IQGAP2: variants seen among roughly 807,000 people sequenced by gnomAD.
IQGAP2 encodes ras GTPase-activating-like protein IQGAP2.
IQGAP2 carries 173 observed loss-of-function variants against 201.3 expected under a neutral mutation model. That is an observed-to-expected ratio of 0.86 (90% CI 0.76 to 0.98). IQGAP2 has a LOEUF of 0.98. Among genes scored for constraint, IQGAP2 ranks in the 50% least tolerant of loss-of-function variants. The pLI is 0.00. For synonymous variants in IQGAP2, 675 were observed against 673.9 expected (o/e 1.00, Z -0.03); for missense variants, 1,687 against 1,864.8 (o/e 0.90, Z 1.76).
intron 16 of IQGAP2, among the ~76,000 whole-genome samples, chr5:76,638,139 G>T (rs1262248732): frequency 6.6e-6 from 1 of 152,126 alleles, no homozygotes; most frequent in Non-Finnish European, 1.5e-5. Context: ...TTCTCTTTTT[G>T]GGGGAACATT....
At chr5:76,651,144 C>A (rs1752487585) in intron 17 of IQGAP2, among the ~76,000 whole-genome samples, 1 of 152,146 alleles carries the variant, frequency 6.6e-6, no homozygotes, top group Non-Finnish European at 1.5e-5. Context: ...ATTACTCTGA[C>A]TACCTCAAGC....
intron 17 of IQGAP2, 70 bp downstream of exon 17, chr5:76,641,173 G>A (rs1751553454): frequency 1.6e-6 from 2 of 1,226,092 alleles, no homozygotes; most frequent in Non-Finnish European, 2.3e-6. Flanking sequence ...TTTGATAATA[G>A]AATAGTCAAC....
chr5:76,495,147 A>G (rs1756808376), intron 2 of IQGAP2, among the ~76,000 whole-genome samples: 2 of 152,254 alleles, frequency 1.3e-5, no homozygotes, highest in South Asian at 4.1e-4. Flanking sequence ...TATACAATAA[A>G]TAGATATACA....
At chr5:76,513,896 T>C (rs1758139393) in intron 2 of IQGAP2, among the ~76,000 whole-genome samples, 1 of 152,094 alleles carries the variant, frequency 6.6e-6, no homozygotes. Flanking sequence ...TTGTAACAAA[T>C]GCTCCACACT....
chr5:76,614,960 A>G (rs1411045097), intron 13 of IQGAP2, among the ~76,000 whole-genome samples: 2 of 152,240 alleles, frequency 1.3e-5, no homozygotes, highest in African/African-American at 4.8e-5. Flanking sequence ...AGTTTTGTCA[A>G]AGGTGGAGGA....
chr5:76,569,021 C>CAT (rs1580478483), intron 3 of IQGAP2, among the ~76,000 whole-genome samples: 1 of 152,176 alleles, frequency 6.6e-6, no homozygotes, highest in Non-Finnish European at 1.5e-5. Flanking sequence ...TATAAACACT[C>CAT]AAACAGTATA....
rs58503021 is a variant in IQGAP2 at position 76,405,543 on chromosome 5, T to C, written c.46+1952T>C. Among the ~76,000 whole-genome samples the C allele has an allele frequency of 2.0e-3, 304 of 152,354 alleles. 1 individual carries two copies. The highest frequency in any genetic ancestry group is 6.9e-3 in the African/African-American group (287 of 41,570). ...TATTAAGGCTTTAATATGACAGTTA[T>C]CTCATTAAAATGAACACTTTTATAA... On this transcript the variant is annotated intron_variant, in intron 1 of 35. Transcript: ENST00000274364.
intron 2 of IQGAP2, among the ~76,000 whole-genome samples, chr5:76,541,983 T>C (rs1475013942): frequency 6.6e-6 from 1 of 152,170 alleles, no homozygotes; most frequent in Admixed American, 6.5e-5. Context: ...TTTGTGTGCG[T>C]GTATGTGTGT....
intron 1 of IQGAP2, among the ~76,000 whole-genome samples, chr5:76,431,640 T>C (rs578257424): frequency 8.0e-4 from 122 of 152,200 alleles, no homozygotes; most frequent in Non-Finnish European, 1.4e-3. Context: ...CTGGCCAACA[T>C]GGTGAAACCC....
intron 2 of IQGAP2, among the ~76,000 whole-genome samples, chr5:76,550,632 T>C (rs1743393676): frequency 6.6e-6 from 1 of 152,124 alleles, no homozygotes; most frequent in Non-Finnish European, 1.5e-5. Context: ...TAACTCTGAG[T>C]GGACACAGCA....
intron 22 of IQGAP2, among the ~76,000 whole-genome samples, chr5:76,667,877 C>CTTTTTTTTTGTTTTT (rs1743924088): frequency 8.1e-6 from 1 of 123,422 alleles, no homozygotes; most frequent in African/African-American, 3.1e-5. Flanking sequence ...AGTCCACTTT[C>CTTTTTTTTTGTTTTT]TTTTTTTTTT....
chr5:76,551,386 G>C (rs1270023387), intron 2 of IQGAP2, among the ~76,000 whole-genome samples: 8 of 150,012 alleles, frequency 5.3e-5, no homozygotes, highest in African/African-American at 2.0e-4. Flanking sequence ...CGGCCGGGCA[G>C]AGGGGCTCCT....
At chr5:76,664,790 G>A (rs1304492159) in intron 21 of IQGAP2, among the ~76,000 whole-genome samples, 2 of 152,080 alleles carry the variant, frequency 1.3e-5, no homozygotes, top group Non-Finnish European at 2.9e-5. Context: ...GAGACACAAA[G>A]TAAGCACATG....
intron 1 of IQGAP2, among the ~76,000 whole-genome samples, chr5:76,414,243 C>G (rs1751293820): frequency 6.6e-6 from 1 of 152,102 alleles, no homozygotes; most frequent in Admixed American, 6.5e-5. Flanking sequence ...TGCCCCAGTC[C>G]TACACGAAGC....
intron 1 of IQGAP2, among the ~76,000 whole-genome samples, chr5:76,455,737 A>C (rs992077881): frequency 1.3e-5 from 2 of 152,194 alleles, no homozygotes; most frequent in African/African-American, 4.8e-5. Context: ...GGGTATTGGC[A>C]GCCAATCAGG....
At chr5:76,633,067 T>A (rs991537112) in intron 15 of IQGAP2, among the ~76,000 whole-genome samples, 2 of 152,186 alleles carry the variant, frequency 1.3e-5, no homozygotes, top group Non-Finnish European at 2.9e-5. Context: ...ATTGCATAAT[T>A]GTATAAATGA....
intron 23 of IQGAP2, among the ~76,000 whole-genome samples, chr5:76,670,741 C>T (rs1256309149): frequency 6.6e-6 from 1 of 152,144 alleles, no homozygotes; most frequent in Non-Finnish European, 1.5e-5. Context: ...AGCCATCTGA[C>T]GTGGCTAGAA....
intron 16 of IQGAP2, among the ~76,000 whole-genome samples, chr5:76,639,487 A>T (rs1162672035): frequency 2.6e-5 from 4 of 152,206 alleles, no homozygotes; most frequent in African/African-American, 9.6e-5. Context: ...ATTCACCAAC[A>T]TTGCTTTGGA....
intron 6 of IQGAP2, 78 bp downstream of exon 6, chr5:76,589,051 T>C (rs912767661): frequency 9.0e-5 from 85 of 945,750 alleles, no homozygotes; most frequent in East Asian, 5.0e-4. Context: ...TGGTGGCTCA[T>C]GCCTGTAATC....
Sources: gnomAD v4.1 joint callset for allele counts (sites outside exome capture counted in the v4.1 genomes callset) on GRCh38, gnomAD v4.1.1 for gene constraint, MANE v1.5 for transcripts, NCBI Gene and HGNC (gene_info 2026-07-23, HGNC 2026-07-21) for gene names.